The following PEAK1 variants were observed in gnomAD, a reference collection of about 807,000 sequenced individuals.
The protein encoded by PEAK1 is pseudopodium enriched atypical kinase 1.
Under a neutral mutation model 124.7 loss-of-function variants are expected in PEAK1, and 54 were observed. The ratio of observed to expected loss-of-function variants is 0.43; its 90% confidence interval spans 0.35 to 0.54. PEAK1 has a LOEUF of 0.54. PEAK1 is among the 20% of genes least tolerant of loss of function. PEAK1 has a pLI of 0.01. For synonymous variants in PEAK1, 719 were observed against 760.0 expected (o/e 0.95, Z 0.89); for missense variants, 2,046 against 2,134.5 (o/e 0.96, Z 0.82).
intron 6 of PEAK1, among the ~76,000 whole-genome samples, chr15:77,185,143 T>C (rs1355053997): frequency 6.6e-6 from 1 of 152,178 alleles, no homozygotes; most frequent in East Asian, 1.9e-4. Context: ...ATTGAGGTTT[T>C]AGGTTTATGT....
At chr15:77,414,027 C>T (rs1333432470) in intron 1 of PEAK1, among the ~76,000 whole-genome samples, 1 of 151,922 alleles carries the variant, frequency 6.6e-6, no homozygotes, top group Non-Finnish European at 1.5e-5. Context: ...CTCCCTATGT[C>T]GCCTAGGCTG....
At chr15:77,403,224 T>C (rs2071525242) in intron 1 of PEAK1, 1 of 985,426 alleles carries the variant, frequency 1.0e-6, no homozygotes, top group Non-Finnish European at 1.2e-6. Context: ...TGATTGGGTA[T>C]GGTGAAAGCA....
At chr15:77,250,528 G>A (rs975394819) in intron 6 of PEAK1, among the ~76,000 whole-genome samples, 1 of 151,968 alleles carries the variant, frequency 6.6e-6, no homozygotes, top group Non-Finnish European at 1.5e-5. Flanking sequence ...CACCTTCTGG[G>A]TTCACGCCAC....
At chr15:77,337,833 G>C (rs932990730) in intron 2 of PEAK1, 1 of 985,242 alleles carries the variant, frequency 1.0e-6, no homozygotes, top group Admixed American at 6.1e-5. Flanking sequence ...TCATGCAATA[G>C]AGCTAAGAAG....
chr15:77,299,508 T>G (rs1244530552), intron 2 of PEAK1, among the ~76,000 whole-genome samples: 1 of 152,210 alleles, frequency 6.6e-6, no homozygotes. Flanking sequence ...ATTCCACTAA[T>G]GTCTTTTGTA....
intron 6 of PEAK1, among the ~76,000 whole-genome samples, chr15:77,187,751 C>T (rs745807274): frequency 7.2e-5 from 11 of 152,306 alleles, no homozygotes; most frequent in Admixed American, 2.6e-4. Flanking sequence ...CACTGCTGTA[C>T]GTGGGCTTTT....
chr15:77,385,707 AC>A (rs912115215), intron 1 of PEAK1, among the ~76,000 whole-genome samples: 6 of 152,224 alleles, frequency 3.9e-5, no homozygotes, highest in Admixed American at 3.9e-4. Context: ...TTCATGGAAA[AC>A]CCTGAAGTCT....
intron 2 of PEAK1, among the ~76,000 whole-genome samples, chr15:77,298,328 C>G (rs2063617309): frequency 6.8e-6 from 1 of 148,120 alleles, no homozygotes; most frequent in Non-Finnish European, 1.5e-5. Context: ...ATGCCATTCT[C>G]CTGCCTCAGC....
chr15:77,125,722 C>T (rs1448626719), intron 9 of PEAK1, among the ~76,000 whole-genome samples: 1 of 152,236 alleles, frequency 6.6e-6, no homozygotes, highest in Non-Finnish European at 1.5e-5. Context: ...ACTTTGTTAA[C>T]AGTCCTCACA....
At chr15:77,405,657 G>A (rs1181565265) in intron 1 of PEAK1, among the ~76,000 whole-genome samples, 2 of 152,110 alleles carry the variant, frequency 1.3e-5, no homozygotes, top group Non-Finnish European at 2.9e-5. Flanking sequence ...GAAGATAAGA[G>A]AAGATCAGCA....
intron 2 of PEAK1, chr15:77,353,124 T>G (rs2067303835): frequency 5.8e-6 from 2 of 343,530 alleles, no homozygotes; most frequent in Admixed American, 6.5e-5. Context: ...CAACCCCAAA[T>G]AACCGTGAAA....
chr15:77,158,268 T>C, intron 8 of PEAK1: 1 of 476,702 alleles, frequency 2.1e-6, no homozygotes. Context: ...GGTGAGTCCC[T>C]CAAAGCAGTG....
rs1360677201 is a variant in PEAK1, at chr15:77,225,683, T to TATATATATAG, written c.-115+26683_-115+26684insCTATATATAT. On this transcript the variant is annotated intron_variant, in intron 6 of 9. Transcript: ENST00000682557. ...TGTATAATTTATATATATATATATA[T>TATATATATAG]ATATATATATATATGACAATTCTAG... 3.7e-4 allele frequency among the ~76,000 whole-genome samples: 52 copies of TATATATATAG among 139,464 alleles called. 1 individual carries two copies. The highest frequency in any genetic ancestry group is 6.3e-4 in the Non-Finnish European group (40 of 63,662). The allele number at this position is 139,464 out of a possible 152,430, so 91.5% of individuals were successfully genotyped here.
chr15:77,188,971 C>T (rs866029749), intron 6 of PEAK1, among the ~76,000 whole-genome samples: 1 of 152,096 alleles, frequency 6.6e-6, no homozygotes, highest in Non-Finnish European at 1.5e-5. Flanking sequence ...GAGGCCAAGG[C>T]GGGCAGATCA....
At chr15:77,215,956 T>G (rs1229864387) in intron 6 of PEAK1, among the ~76,000 whole-genome samples, 1 of 152,164 alleles carries the variant, frequency 6.6e-6, no homozygotes, top group Non-Finnish European at 1.5e-5. Flanking sequence ...CTGTTTTGAT[T>G]ACTACAGCTT....
At chr15:77,198,299 GGT>G (rs1290920076) in intron 6 of PEAK1, among the ~76,000 whole-genome samples, 1 of 152,154 alleles carries the variant, frequency 6.6e-6, no homozygotes, top group Non-Finnish European at 1.5e-5. Context: ...GATTTCTTGA[GGT>G]TCTTGTGTAT....
chr15:77,152,055 T>C (rs920424159), intron 8 of PEAK1, among the ~76,000 whole-genome samples: 5 of 152,200 alleles, frequency 3.3e-5, no homozygotes, highest in Admixed American at 1.3e-4. Flanking sequence ...AGGGATGGCA[T>C]TGTACCTATA....
exon 7 of PEAK1, chr15:77,102,245 T>C (rs148977421): frequency 2.0e-5 from 3 of 152,368 alleles, no homozygotes; most frequent in African/African-American, 7.2e-5. Flanking sequence ...TCTGTTCTCA[T>C]CTATTAGTGT....
At chr15:77,250,726 C>G (rs1471876114) in intron 6 of PEAK1, among the ~76,000 whole-genome samples, 1 of 152,116 alleles carries the variant, frequency 6.6e-6, no homozygotes, top group Non-Finnish European at 1.5e-5. Flanking sequence ...TGCCACTGCA[C>G]CTGGCCTAAT....
Sources: gnomAD v4.1 joint callset for allele counts (sites outside exome capture counted in the v4.1 genomes callset) on GRCh38, gnomAD v4.1.1 for gene constraint, MANE v1.5 for transcripts, NCBI Gene and HGNC (gene_info 2026-07-23, HGNC 2026-07-21) for gene names.